ZNF254: variants seen among roughly 807,000 people sequenced by gnomAD.
ZNF254 encodes CTD-2017D11.1.
A neutral mutation model predicts 12.4 loss-of-function variants in ZNF254; 10 were observed. The observed-to-expected ratio is 0.80, with a 90% CI of 0.50 to 1.36. The LOEUF is 1.36. Ranked by LOEUF, ZNF254 falls within the 40% of genes most tolerant of loss-of-function variation. The probability of loss-of-function intolerance (pLI) is 0.00; values close to 1 mark genes in which losing one functional copy is unlikely to be tolerated. For synonymous variants in ZNF254, 305 were observed against 253.4 expected (o/e 1.20, Z -1.93); for missense variants, 996 against 763.9 (o/e 1.30, Z -3.58).
At chr19:24,087,077 G>A, upstream of ZNF254, 1 of 503,720 alleles carries the variant, frequency 2.0e-6, no homozygotes. Context: ...ATCACTCAGG[G>A]TCTGAGTAGG....
chr19:24,062,952 C>G (rs920669036), intron 2 of ZNF254, among the ~76,000 whole-genome samples: 7 of 152,128 alleles, frequency 4.6e-5, no homozygotes, highest in African/African-American at 1.4e-4. Context: ...AGGTGCCCAC[C>G]ACTATGCCAG....
chr19:24,036,283 T>A (rs1969965123), intron 1 of ZNF254, among the ~76,000 whole-genome samples: 1 of 151,976 alleles, frequency 6.6e-6, no homozygotes, highest in Non-Finnish European at 1.5e-5. Flanking sequence ...GGTCTTGATC[T>A]CCTGATCTTG....
At position 24,106,626 on chromosome 19, in the gene ZNF254, T is replaced by A. The variant is rs764207681; in HGVS notation, c.236T>A (p.Met79Lys). The change falls in exon 3 of 4, where the codon ATG (methionine) becomes AAG (lysine). Residue 79 changes from methionine (M) to lysine (K), a missense_variant. By Grantham distance (95) the Met-to-Lys change is moderately conservative. Transcript: ENST00000357002. ...KEPWNMKRHE[M>K]VDEPPGMCPH... ...CCCTGGAATATGAAGCGACATGAGATGGTGGATGAACCCCCAGGTAGGTGA... is the reference window on the plus strand; with the variant it reads ...CCCTGGAATATGAAGCGACATGAGAAGGTGGATGAACCCCCAGGTAGGTGA... 34 of 1,577,050 alleles carry A rather than the reference T, an allele frequency of 2.2e-5. No individual in the cohort carries two copies. Among genetic ancestry groups the A allele is most frequent in the Non-Finnish European group, 2.9e-5 (34 of 1,158,840 alleles).
At position 24,127,022 on chromosome 19, in the gene ZNF254, A is replaced by G. The variant is rs1974907711; in HGVS notation, c.1022A>G (p.Lys341Arg). The G allele has an allele frequency of 2.0e-5, 33 of 1,613,778 alleles. No individual in the cohort carries two copies. The highest frequency in any genetic ancestry group is 2.6e-5 in the Non-Finnish European group (31 of 1,179,868). Residue 341 changes from lysine (K) to arginine (R), a missense_variant, in exon 4 of 4, where the codon AAG becomes AGG. Transcript: ENST00000357002. ...TGGTCCTCAACACTAACTAGACATA[A>G]GAGGATGCACACTGGAGAGAAACCC... ...FIWSSTLTRH[K>R]RMHTGEKPYK...
In ZNF254 at chr19:24,126,424, C is replaced by T. The variant is rs372187532; in HGVS notation, c.424C>T (p.Leu142Phe). 1 of 1,601,110 alleles carries T rather than the reference C, an allele frequency of 6.2e-7. No individual in the cohort carries two copies. The highest frequency in any genetic ancestry group is 8.5e-7 in the Non-Finnish European group (1 of 1,176,284). ...GGTGAACAAAGAAGGTTATAATGGA[C>T]TTAACCAGTGTTTCACAACTGCCCA... ...YKVNKEGYNG[L>F]NQCFTTAQSK... The change falls in exon 4 of 4, where the codon CTT (leucine) becomes TTT (phenylalanine). Residue 142 changes from leucine to phenylalanine, a missense_variant. Transcript: ENST00000357002.
intron 2 of ZNF254, among the ~76,000 whole-genome samples, chr19:24,048,000 C>CTTCTTT (rs1970466282): frequency 1.3e-5 from 1 of 78,128 alleles, no homozygotes. Context: ...TTTTTCTTTT[C>CTTCTTT]TTCTTTTTTT....
At chr19:24,042,237 G>C (rs529700700) in intron 1 of ZNF254, among the ~76,000 whole-genome samples, 2 of 152,236 alleles carry the variant, frequency 1.3e-5, no homozygotes, top group African/African-American at 4.8e-5. Context: ...TAATCTGATG[G>C]GGAGGTGGAG....
In ZNF254 at chr19:24,109,721, T is replaced by TTTTC. The variant is rs1491443976; in HGVS notation, c.253+3081_253+3082insCTTT. The stretch of plus-strand genomic sequence containing the variant: ...CTTTTTTCTTTTTTCTTTTCTTTTC[T>TTTTC]TTTTTTTTTTTTTGAGACAGAGTTT... On this transcript the variant is annotated intron_variant, in intron 3 of 3. Transcript: ENST00000357002. 6.8e-5 allele frequency among the ~76,000 whole-genome samples: 5 copies of TTTTC among 73,202 alleles called. 1 individual carries two copies. The East Asian group carries it at 1.1e-3, about 16-fold the overall frequency. The allele number at this position is 73,202 out of a possible 152,430, so 48.0% of individuals were successfully genotyped here. A position where few individuals can be genotyped will look rare whatever the true frequency, so the allele number is the denominator to read the frequency against.
At position 24,128,721 on chromosome 19, in the gene ZNF254, A is replaced by T. The variant is rs2059108625; in HGVS notation, c.*741A>T. On this transcript the variant is annotated 3_prime_UTR_variant, in exon 4 of 4. Transcript: ENST00000357002. Reference sequence around the variant, plus strand: ...AATCCAAAATTAAGTCTATGTAAATATCAGGGAATAATTCACAGTAGAAAT... The same window carrying T: ...AATCCAAAATTAAGTCTATGTAAATTTCAGGGAATAATTCACAGTAGAAAT... 1 of 152,138 alleles carries T rather than the reference A, an allele frequency of 6.6e-6. No individual in the cohort carries two copies. The allele number at this position is 152,138 out of a possible 1,614,324, so 9.4% of individuals were successfully genotyped here. A position where few individuals can be genotyped will look rare whatever the true frequency, so the allele number is the denominator to read the frequency against.
chr19:24,078,605 T>G (rs1017221149), intron 2 of ZNF254: 3 of 152,206 alleles, frequency 2.0e-5, no homozygotes, highest in African/African-American at 7.2e-5. Flanking sequence ...TAACCTTTTT[T>G]ATTATTTTAA....
intron 2 of ZNF254, among the ~76,000 whole-genome samples, chr19:24,071,769 G>C: frequency 6.6e-6 from 1 of 152,094 alleles, no homozygotes; most frequent in Non-Finnish European, 1.5e-5. Flanking sequence ...CCAGCACCTT[G>C]GTGATGTGAC....
intron 2 of ZNF254, among the ~76,000 whole-genome samples, chr19:24,077,181 C>T (rs1046570870): frequency 2.0e-5 from 3 of 152,134 alleles, no homozygotes; most frequent in East Asian, 1.9e-4. Flanking sequence ...CTACTTATGA[C>T]TTGGAAGCCC....
chr19:24,040,400 C>T (rs1970112692), intron 1 of ZNF254, among the ~76,000 whole-genome samples: 1 of 152,198 alleles, frequency 6.6e-6, no homozygotes, highest in South Asian at 2.1e-4. Context: ...ACATTTTACA[C>T]AGCAACCTGT....
chr19:24,105,500 A>G (rs1973283506), intron 1 of ZNF254: 1 of 209,740 alleles, frequency 4.8e-6, no homozygotes, highest in Admixed American at 5.8e-5. Context: ...ATCTCCCCAA[A>G]AAATAATCTG....
chr19:24,127,392 T>C lies in ZNF254; in HGVS notation c.1392T>C (p.Cys464=), dbSNP rs746666200. Residue 464 remains cysteine (C), a synonymous_variant, in exon 4 of 4, where the codon TGT becomes TGC. Coordinates refer to ENST00000357002, the MANE Select transcript of ZNF254 (RefSeq NM_203282.4). ...ATACTAGAGAGAAACCCTACAAATGTGAAGAATGTGGCAAGGCATTTATAT... is the reference window on the plus strand; with the variant it reads ...ATACTAGAGAGAAACCCTACAAATGCGAAGAATGTGGCAAGGCATTTATAT... ...RIHTREKPYK[C]EECGKAFIWS... 12 of 1,611,886 alleles carry C rather than the reference T, an allele frequency of 7.4e-6. No homozygotes were observed. The highest frequency in any genetic ancestry group is 2.5e-6 in the Non-Finnish European group (3 of 1,178,662).
At chr19:24,095,831 T>C (rs1413825622) in intron 1 of ZNF254, among the ~76,000 whole-genome samples, 2 of 152,088 alleles carry the variant, frequency 1.3e-5, no homozygotes, top group Non-Finnish European at 2.9e-5. Context: ...TGATATTTTG[T>C]AAAGTTTTTA....
chr19:24,057,255 G>A (rs1970893705), intron 2 of ZNF254, among the ~76,000 whole-genome samples: 1 of 152,194 alleles, frequency 6.6e-6, no homozygotes, highest in Admixed American at 6.5e-5. Flanking sequence ...TACTGGAGAG[G>A]TCTTAAATCT....
At chr19:24,072,842 A>C (rs1971528594) in intron 2 of ZNF254, among the ~76,000 whole-genome samples, 1 of 152,038 alleles carries the variant, frequency 6.6e-6, no homozygotes, top group African/African-American at 2.4e-5. Flanking sequence ...TCTGATCCCT[A>C]CCCTGGAAAA....
intron 3 of ZNF254, among the ~76,000 whole-genome samples, chr19:24,125,376 TCA>T (rs765940720): frequency 6.6e-6 from 1 of 151,968 alleles, no homozygotes; most frequent in Non-Finnish European, 1.5e-5. Context: ...TCAGTATTAT[TCA>T]GTTTATTACC....
Sources: gnomAD v4.1 joint callset for allele counts (sites outside exome capture counted in the v4.1 genomes callset) on GRCh38, gnomAD v4.1.1 for gene constraint, MANE v1.5 for transcripts, NCBI Gene and HGNC (gene_info 2026-07-23, HGNC 2026-07-21) for gene names.